The following EGFR variants were observed in gnomAD, a reference collection of about 807,000 sequenced individuals.
The protein encoded by EGFR is avian erythroblastic leukemia viral (v-erb-b) oncogene homolog.
EGFR carries 58 observed loss-of-function variants against 143.0 expected under a neutral mutation model. That is an observed-to-expected ratio of 0.41 (90% CI 0.33 to 0.50). EGFR has a LOEUF of 0.50. Among genes scored for constraint, EGFR ranks in the 20% least tolerant of loss-of-function variants. The pLI is 0.39. For synonymous variants in EGFR, 613 were observed against 594.4 expected (o/e 1.03, Z -0.45); for missense variants, 1,307 against 1,579.0 (o/e 0.83, Z 2.92).
intron 1 of EGFR, among the ~76,000 whole-genome samples, chr7:55,130,209 C>T (rs996264074): frequency 3.3e-5 from 5 of 152,266 alleles, no homozygotes; most frequent in Middle Eastern, 3.4e-3. Flanking sequence ...ATAGCACTCC[C>T]GACTCACTCA....
rs750230492 is a variant in EGFR, at chr7:55,181,276, C to G, written c.2284-17C>G. 1.9e-6 allele frequency: 3 copies of G among 1,613,896 alleles called. No homozygotes were observed. The highest frequency in any genetic ancestry group is 2.5e-6 in the Non-Finnish European group (3 of 1,180,036). ...CACCATGCGAAGCCACACTGACGTG[C>G]CTCTCCCTCCCTCCAGGAAGCCTAC... On this transcript the variant is annotated splice_polypyrimidine_tract_variant and intron_variant, in intron 19 of 27. Coordinates refer to ENST00000275493, the MANE Select transcript of EGFR (RefSeq NM_005228.5).
chr7:55,098,356 C>A (rs1047358774), intron 1 of EGFR, among the ~76,000 whole-genome samples: 1 of 152,202 alleles, frequency 6.6e-6, no homozygotes. Flanking sequence ...TCTGACCCGA[C>A]AGCACGCATG....
At chr7:55,019,619 G>A (rs1041692015) in intron 1 of EGFR, among the ~76,000 whole-genome samples, 1 of 152,044 alleles carries the variant, frequency 6.6e-6, no homozygotes, top group African/African-American at 2.4e-5. Flanking sequence ...GGCGGGGAAC[G>A]GCCGCCGGGA....
intron 1 of EGFR, among the ~76,000 whole-genome samples, chr7:55,128,587 T>G (rs1033442929): frequency 2.0e-5 from 3 of 152,222 alleles, no homozygotes; most frequent in Admixed American, 2.0e-4. Flanking sequence ...TGTATTCCCT[T>G]GCATAGTAAT....
In EGFR at chr7:55,173,082, C is replaced by G. The variant is rs763193362; in HGVS notation, c.2019C>G (p.Ile673Met). Reference protein sequence around the residue: ...GIGLFMRRRHIVRKRTLRRLL... With the variant: ...GIGLFMRRRHMVRKRTLRRLL... Reference sequence around the variant, plus strand: ...GCCTCTTCATGCGAAGGCGCCACATCGTTCGGAAGCGCACGCTGCGGAGGC... The same window carrying G: ...GCCTCTTCATGCGAAGGCGCCACATGGTTCGGAAGCGCACGCTGCGGAGGC... The change falls in exon 17 of 28, where the codon ATC (isoleucine) becomes ATG (methionine). Residue 673 changes from isoleucine to methionine, a missense_variant. Physicochemically the swap from Ile to Met is conservative, Grantham distance 10 (BLOSUM62 1). Coordinates refer to ENST00000275493, the MANE Select transcript of EGFR (RefSeq NM_005228.5). The G allele has an allele frequency of 6.2e-7, 1 of 1,612,952 alleles. No individual in the cohort carries two copies.
At chr7:55,093,651 G>A (rs943717348) in intron 1 of EGFR, among the ~76,000 whole-genome samples, 10 of 152,278 alleles carry the variant, frequency 6.6e-5, no homozygotes, top group Middle Eastern at 6.8e-3. Context: ...TAAATAACAA[G>A]GAAGTCATTT....
At position 55,143,307 on chromosome 7, in the gene EGFR, C is replaced by A. The variant is rs1350159580; in HGVS notation, c.243C>A (p.Thr81=). The change falls in exon 3 of 28, where the codon ACC becomes ACA. Residue 81 remains threonine, a splice_region_variant and synonymous_variant. Transcript: ENST00000275493. ...GCATTTATGTTTTCTCTTCTTAGAC[C>A]ATCCAGGAGGTGGCTGGTTATGTCC... ...QRNYDLSFLK[T]IQEVAGYVLI... 1.2e-6 allele frequency: 2 copies of A among 1,614,074 alleles called. No individual in the cohort carries two copies. The highest frequency in any genetic ancestry group is 1.7e-5 in the Admixed American group (1 of 60,004).
chr7:55,163,224 G>T (rs17336863), intron 13 of EGFR, among the ~76,000 whole-genome samples: 54 of 152,336 alleles, frequency 3.5e-4, no homozygotes, highest in African/African-American at 1.1e-3. Context: ...TCAAACATCA[G>T]CTTCTTGCTT....
chr7:55,204,241 CCA>C (rs1238309417), intron 27 of EGFR, among the ~76,000 whole-genome samples: 4 of 144,666 alleles, frequency 2.8e-5, no homozygotes, highest in Admixed American at 1.4e-4. Flanking sequence ...TACACACACA[CCA>C]CACACACATA....
intron 12 of EGFR, among the ~76,000 whole-genome samples, chr7:55,160,893 A>G (rs1448162826): frequency 6.6e-6 from 1 of 152,242 alleles, no homozygotes; most frequent in Non-Finnish European, 1.5e-5. Context: ...TAGAATGGAG[A>G]TATGAATGAT....
intron 1 of EGFR, among the ~76,000 whole-genome samples, chr7:55,079,867 T>C (rs979722518): frequency 6.6e-6 from 1 of 152,236 alleles, no homozygotes; most frequent in African/African-American, 2.4e-5. Flanking sequence ...GGCATTTGTA[T>C]GTGCTGAGCA....
At chr7:55,141,832 C>A (rs1266361037) in intron 1 of EGFR, among the ~76,000 whole-genome samples, 2 of 152,124 alleles carry the variant, frequency 1.3e-5, no homozygotes, top group Non-Finnish European at 2.9e-5. Flanking sequence ...TTAACTCAAC[C>A]CTACAGTTAT....
At chr7:55,090,387 A>G (rs887574312) in intron 1 of EGFR, among the ~76,000 whole-genome samples, 2 of 152,242 alleles carry the variant, frequency 1.3e-5, no homozygotes, top group African/African-American at 4.8e-5. Flanking sequence ...AAGGTCACAC[A>G]GCCAAAAAGC....
chr7:55,150,096 T>C (rs147385034), intron 4 of EGFR, among the ~76,000 whole-genome samples: 2 of 152,382 alleles, frequency 1.3e-5, no homozygotes, highest in East Asian at 3.9e-4. Context: ...TCTTGTTTGT[T>C]TATTGGCAAA....
At chr7:55,156,943 T>C in intron 10 of EGFR, 111 bp downstream of exon 10, 1 of 1,567,804 alleles carries the variant, frequency 6.4e-7, no homozygotes. Context: ...TCTGAAATTT[T>C]ACCGTTAATG....
intron 19 of EGFR, chr7:55,180,213 G>T (rs1786798375): frequency 6.6e-6 from 1 of 152,238 alleles, no homozygotes; most frequent in Non-Finnish European, 1.5e-5. Context: ...AAGCAGCTGT[G>T]GATGCTTTCT....
chr7:55,174,698 G>A lies in EGFR; in HGVS notation c.2185-24G>A, dbSNP rs113262226. The A allele has an allele frequency of 2.2e-4, 345 of 1,593,820 alleles. 1 individual carries two copies. Among genetic ancestry groups the A allele is most frequent in the South Asian group, 8.2e-4 (74 of 90,670 alleles). ...CACCATCTCACAATTGCCAGTTAAC[G>A]TCTTCCTTCTCTCTCTGTCATAGGG... On this transcript the variant is annotated intron_variant, in intron 18 of 27. Transcript: ENST00000275493.
chr7:55,173,159 C>T (rs372758041), intron 17 of EGFR, 35 bp downstream of exon 17: 127 of 1,602,950 alleles, frequency 7.9e-5, no homozygotes, highest in Middle Eastern at 1.9e-4. Context: ...CAGGAGCCCT[C>T]GCACCCCGAC....
intron 13 of EGFR, among the ~76,000 whole-genome samples, chr7:55,162,983 G>A (rs1584195791): frequency 6.6e-6 from 1 of 152,286 alleles, no homozygotes; most frequent in South Asian, 2.1e-4. Flanking sequence ...GTAGAGACGG[G>A]GTTTCACCAC....
Sources: allele counts gnomAD v4.1 joint callset (sites outside exome capture counted in the v4.1 genomes callset), GRCh38; gene constraint gnomAD v4.1.1; transcripts MANE v1.5; gene names NCBI Gene and HGNC (gene_info 2026-07-23, HGNC 2026-07-21).